The following DBX2 variants were observed in gnomAD, a reference collection of about 807,000 sequenced individuals.
The protein encoded by DBX2 is homeobox protein DBX2.
A neutral mutation model predicts 17.7 loss-of-function variants in DBX2; 16 were observed. The ratio of observed to expected loss-of-function variants is 0.90; its 90% confidence interval spans 0.61 to 1.37. DBX2 has a LOEUF of 1.37. DBX2 is among the 40% of genes most tolerant of loss of function. The pLI is 0.00. For synonymous variants in DBX2, 255 were observed against 183.8 expected (o/e 1.39, Z -3.13); for missense variants, 538 against 433.8 (o/e 1.24, Z -2.13).
chr12:45,036,921 A>G (rs147878839), intron 1 of DBX2, among the ~76,000 whole-genome samples: 29 of 152,304 alleles, frequency 1.9e-4, no homozygotes, highest in African/African-American at 5.8e-4. Context: ...GCATAGTTTT[A>G]TTAAAATAAT....
chr12:45,042,921 C>A (rs1179966638), intron 1 of DBX2, among the ~76,000 whole-genome samples: 2 of 152,172 alleles, frequency 1.3e-5, no homozygotes, highest in African/African-American at 4.8e-5. Context: ...GGGTCATCAC[C>A]TCTGCTGCCT....
rs1207187694 is a variant in DBX2 at position 45,015,293 on chromosome 12, A to G, written c.*993T>C. Reference sequence around the variant, plus strand: ...TGAGTCCCTAACTAGAAGCGCAAACAGAAATCATCATTGATTCTGTTAGTA... The same window carrying G: ...TGAGTCCCTAACTAGAAGCGCAAACGGAAATCATCATTGATTCTGTTAGTA... On this transcript the variant is annotated 3_prime_UTR_variant, in exon 4 of 4. Coordinates refer to ENST00000332700, the MANE Select transcript of DBX2 (RefSeq NM_001004329.3). The G allele has an allele frequency of 1.3e-5, 2 of 152,234 alleles. No homozygotes were observed. Among genetic ancestry groups the G allele is most frequent in the Admixed American group, 6.5e-5 (1 of 15,282 alleles). The allele number at this position is 152,234 out of a possible 1,614,324, so 9.4% of individuals were successfully genotyped here.
intron 2 of DBX2, among the ~76,000 whole-genome samples, chr12:45,024,201 C>A (rs1432104614): frequency 2.6e-5 from 4 of 152,098 alleles, no homozygotes; most frequent in African/African-American, 9.7e-5. Flanking sequence ...GGGGCTTTTC[C>A]CCACTTTGCT....
intron 1 of DBX2, among the ~76,000 whole-genome samples, chr12:45,039,622 A>G (rs974307999): frequency 7.9e-5 from 12 of 152,032 alleles, no homozygotes; most frequent in Non-Finnish European, 1.0e-4. Context: ...TGCTTACTAT[A>G]TATCAGGCAC....
In DBX2 at chr12:45,014,821, T is replaced by C. The variant is rs1352761293; in HGVS notation, c.*1465A>G. 1 of 152,188 alleles carries C rather than the reference T, an allele frequency of 6.6e-6. No individual in the cohort carries two copies. Among genetic ancestry groups the C allele is most frequent in the Non-Finnish European group, 1.5e-5 (1 of 68,024 alleles). 9.4% of individuals were successfully genotyped at this position (152,188 alleles called of 1,614,324 possible). A position where few individuals can be genotyped will look rare whatever the true frequency, so the allele number is the denominator to read the frequency against. On this transcript the variant is annotated 3_prime_UTR_variant, in exon 4 of 4. Coordinates refer to ENST00000332700, the MANE Select transcript of DBX2 (RefSeq NM_001004329.3). ...CAGGTTGACATACCAAGTCCAATTC[T>C]ATTCGTACAAAATAATTTCCTGCTG...
chr12:45,022,395 C>T (rs1039269292), intron 3 of DBX2, among the ~76,000 whole-genome samples: 1 of 146,574 alleles, frequency 6.8e-6, no homozygotes, highest in Non-Finnish European at 1.5e-5. Flanking sequence ...ACTCTGCCTC[C>T]TGGGTTCACG....
Position 45,016,287 on chromosome 12 carries a change from C to A in DBX2, c.1019G>T (p.Ter340LeuextTer20). The change falls in exon 4 of 4, where the codon TGA becomes TTA. Residue 340 changes from the stop codon to leucine, a stop_lost. Transcript: ENST00000332700. ...GSKGVLTGAV[*>L] ...ATGAACACGGAGGAATGCTTCCATT[C>A]AGACAGCCCCAGTAAGTACACCCTT... 2 of 1,550,408 alleles carry A rather than the reference C, an allele frequency of 1.3e-6. No individual in the cohort carries two copies. The highest frequency in any genetic ancestry group is 1.7e-6 in the Non-Finnish European group (2 of 1,152,572).
intron 2 of DBX2, among the ~76,000 whole-genome samples, chr12:45,030,296 A>G (rs1946402736): frequency 6.6e-6 from 1 of 151,616 alleles, no homozygotes; most frequent in African/African-American, 2.4e-5. Flanking sequence ...CCAAGAGCAA[A>G]TAGCTGCAGC....
intron 1 of DBX2, among the ~76,000 whole-genome samples, chr12:45,049,662 CAAA>C (rs34462401): frequency 2.2e-5 from 3 of 139,370 alleles, no homozygotes; most frequent in African/African-American, 5.3e-5. Context: ...AGGACGCAGC[CAAA>C]AAAAAAAAAA....
chr12:45,018,449 CAGAT>C (rs1382195017), intron 3 of DBX2, among the ~76,000 whole-genome samples: 7 of 151,996 alleles, frequency 4.6e-5, no homozygotes, highest in Admixed American at 3.3e-4. Context: ...AAACAAATTC[CAGAT>C]AGATTAAATA....
rs1296515498 is a variant in DBX2, at chr12:45,016,342, A to G, written c.964T>C (p.Tyr322His). Residue 322 changes from tyrosine (Y) to histidine (H), a missense_variant, in exon 4 of 4, where the codon TAT (tyrosine) becomes CAT (histidine). Physicochemically the swap from Tyr to His is moderately conservative, Grantham distance 83. Coordinates refer to ENST00000332700, the MANE Select transcript of DBX2 (RefSeq NM_001004329.3). ...PEANSLQGAL[Y>H]LCSEEEAGSK... ...CCAGCTTCTTCTTCAGAACATAAAT[A>G]TAAGGCACCTTGCAGTGAATTTGCT... is the stretch of plus-strand genomic sequence containing the variant. The G allele has an allele frequency of 1.9e-6, 3 of 1,610,084 alleles. No individual in the cohort carries two copies. Among genetic ancestry groups the G allele is most frequent in the African/African-American group, 2.7e-5 (2 of 74,702 alleles).
chr12:45,035,193 A>T (rs1363426463), intron 2 of DBX2, among the ~76,000 whole-genome samples: 2 of 152,234 alleles, frequency 1.3e-5, no homozygotes, highest in Non-Finnish European at 2.9e-5. Context: ...TCGGCACAAG[A>T]GCCTGACTCA....
At chr12:45,031,227 A>T (rs2021513) in intron 2 of DBX2, among the ~76,000 whole-genome samples, 12,292 of 60,354 alleles carry the variant, frequency 0.2, 548 homozygotes, top group African/African-American at 0.29. Context: ...TGTGTGTGTG[A>T]GAGAGAGAGA....
At chr12:45,024,598 A>T (rs1356072874) in intron 2 of DBX2, among the ~76,000 whole-genome samples, 1 of 151,940 alleles carries the variant, frequency 6.6e-6, no homozygotes, top group East Asian at 1.9e-4. Context: ...TTATTTATTC[A>T]TTTTTTCAAC....
Position 45,050,908 on chromosome 12 carries a change from G to A in DBX2, c.20C>T (p.Ala7Val). 2 of 1,507,872 alleles carry A rather than the reference G, an allele frequency of 1.3e-6. No individual in the cohort carries two copies. Among genetic ancestry groups the A allele is most frequent in the Non-Finnish European group, 1.8e-6 (2 of 1,129,810 alleles). 93.4% of individuals were successfully genotyped at this position (1,507,872 alleles called of 1,614,324 possible). A position where few individuals can be genotyped will look rare whatever the true frequency, so the allele number is the denominator to read the frequency against. Residue 7 changes from alanine (A) to valine (V), a missense_variant, in exon 1 of 4, where the codon GCA becomes GTA. Physicochemically the swap from Ala to Val is moderately conservative, Grantham distance 64. Transcript: ENST00000332700. MLPSAVAAHAGAYWDVV... is the reference protein window; with the variant it reads MLPSAVVAHAGAYWDVV... ...GTCCCAGTACGCACCGGCGTGGGCT[G>A]CGACCGCGCTGGGGAGCATAGTGCG...
At chr12:45,028,378 T>C (rs967153336) in intron 2 of DBX2, among the ~76,000 whole-genome samples, 1 of 151,966 alleles carries the variant, frequency 6.6e-6, no homozygotes. Flanking sequence ...TAAAACAAAT[T>C]TATGGTAACA....
At position 45,016,232 on chromosome 12, in the gene DBX2, T is replaced by C. The variant is rs1592748883; in HGVS notation, c.*54A>G. ...AGGTACAAGCTAGCTGGCATTAGAG[T>C]CCAGATGTTACTATTAAGCGTTCTT... On this transcript the variant is annotated 3_prime_UTR_variant, in exon 4 of 4. Coordinates refer to ENST00000332700, the MANE Select transcript of DBX2 (RefSeq NM_001004329.3). The C allele has an allele frequency of 6.6e-7, 1 of 1,506,306 alleles. No individual in the cohort carries two copies. Among genetic ancestry groups the C allele is most frequent in the Non-Finnish European group, 8.9e-7 (1 of 1,127,026 alleles). The allele number at this position is 1,506,306 out of a possible 1,614,324, so 93.3% of individuals were successfully genotyped here. A position where few individuals can be genotyped will look rare whatever the true frequency, so the allele number is the denominator to read the frequency against.
chr12:45,043,301 T>C (rs1442354177), intron 1 of DBX2, among the ~76,000 whole-genome samples: 2 of 152,220 alleles, frequency 1.3e-5, no homozygotes, highest in African/African-American at 4.8e-5. Flanking sequence ...GATATGACAC[T>C]CTGAAACTTC....
intron 3 of DBX2, among the ~76,000 whole-genome samples, chr12:45,018,551 A>G (rs1279306109): frequency 6.6e-6 from 1 of 152,150 alleles, no homozygotes; most frequent in Non-Finnish European, 1.5e-5. Context: ...TTTCATAAGC[A>G]TGACATAAAA....
Sources: gnomAD v4.1 joint callset for allele counts (sites outside exome capture counted in the v4.1 genomes callset) on GRCh38, gnomAD v4.1.1 for gene constraint, MANE v1.5 for transcripts, NCBI Gene and HGNC (gene_info 2026-07-23, HGNC 2026-07-21) for gene names.